The following AGTPBP1 variants were observed in gnomAD, a reference collection of about 807,000 sequenced individuals.
The protein encoded by AGTPBP1 is ATP/GTP binding carboxypeptidase 1.
Under a neutral mutation model 143.9 loss-of-function variants are expected in AGTPBP1, and 70 were observed. The ratio of observed to expected loss-of-function variants is 0.49; its 90% CI spans 0.40 to 0.59. AGTPBP1 has a LOEUF of 0.59. Among genes scored for constraint, AGTPBP1 ranks in the 20% least tolerant of loss-of-function variants. The pLI is 0.00. For synonymous variants in AGTPBP1, 463 were observed against 500.2 expected, an observed-to-expected ratio of 0.93 and a Z score of 0.99; for missense variants, 1,229 against 1,464.5, an observed-to-expected ratio of 0.84 and a Z score of 2.62.
chr9:85,790,574 A>G, the AGTPBP1 span, among the ~76,000 whole-genome samples: 1 of 152,274 alleles, frequency 6.6e-6, no homozygotes, highest in East Asian at 1.9e-4. Flanking sequence ...TCCCAGAAAA[A>G]GTTGATGTTA....
chr9:85,651,965 T>C (rs1017805916), intron 11 of AGTPBP1, among the ~76,000 whole-genome samples: 1 of 152,182 alleles, frequency 6.6e-6, no homozygotes, highest in African/African-American at 2.4e-5. Flanking sequence ...CTAAATCCCT[T>C]GGAATTTCCT....
At chr9:85,643,358 T>C (rs1832616262) in intron 12 of AGTPBP1, among the ~76,000 whole-genome samples, 1 of 152,154 alleles carries the variant, frequency 6.6e-6, no homozygotes, top group Non-Finnish European at 1.5e-5. Context: ...AAGAACACTA[T>C]GAAGTTACCC....
chr9:85,692,569 C>G, intron 3 of AGTPBP1, 120 bp downstream of exon 3: 3 of 1,268,224 alleles, frequency 2.4e-6, no homozygotes, highest in Non-Finnish European at 3.2e-6. Context: ...CCACCACACC[C>G]GGCCTGAAAG....
intron 25 of AGTPBP1, among the ~76,000 whole-genome samples, chr9:85,555,804 T>G (rs1330223628): frequency 6.6e-6 from 1 of 152,202 alleles, no homozygotes; most frequent in South Asian, 2.1e-4. Context: ...AATAATTTGT[T>G]GTAAGCAGAC....
chr9:85,752,688 G>A, the AGTPBP1 span, among the ~76,000 whole-genome samples: 3 of 152,040 alleles, frequency 2.0e-5, no homozygotes, highest in African/African-American at 7.2e-5. Flanking sequence ...TGTACCTCAC[G>A]AATATGTACA....
rs1263958445 is a variant in AGTPBP1 at position 85,642,536 on chromosome 9, G to T, written c.1302+291C>A. On this transcript the variant is annotated intron_variant, in intron 13 of 25. Transcript: ENST00000357081. ...TTTAGTAGTGACGGGGTTTCACTCTGTTGGCCAGGATGATCTTGATCTCCT... is the reference window on the plus strand; with the variant it reads ...TTTAGTAGTGACGGGGTTTCACTCTTTTGGCCAGGATGATCTTGATCTCCT... 2.0e-5 allele frequency among the ~76,000 whole-genome samples: 3 copies of T among 151,316 alleles called. No individual in the cohort carries two copies. In the East Asian group the frequency reaches 5.8e-4, roughly 29 times the overall value.
chr9:85,802,198 C>G, the AGTPBP1 span, among the ~76,000 whole-genome samples: 2 of 152,168 alleles, frequency 1.3e-5, no homozygotes, highest in Non-Finnish European at 2.9e-5. Flanking sequence ...TAAACTTCAA[C>G]AATTCTTCAA....
intron 2 of AGTPBP1, among the ~76,000 whole-genome samples, chr9:85,704,279 A>C (rs1045945484): frequency 6.6e-6 from 1 of 152,256 alleles, no homozygotes; most frequent in South Asian, 2.1e-4. Flanking sequence ...GAGGAGAGAG[A>C]GCTGCACAGA....
At chr9:85,711,882 CA>C (rs895549760) in intron 2 of AGTPBP1, among the ~76,000 whole-genome samples, 5 of 151,676 alleles carry the variant, frequency 3.3e-5, no homozygotes, top group South Asian at 2.1e-4. Context: ...GGCTGTGTTC[CA>C]AAAAAACACT....
upstream of AGTPBP1, chr9:85,742,138 C>A: frequency 5.1e-6 from 4 of 791,134 alleles, no homozygotes; most frequent in South Asian, 2.5e-4. Flanking sequence ...CGCCTCTCTG[C>A]GCGCCTGACG....
At chr9:85,696,644 G>A (rs1163257766) in intron 2 of AGTPBP1, among the ~76,000 whole-genome samples, 1 of 151,606 alleles carries the variant, frequency 6.6e-6, no homozygotes, top group African/African-American at 2.4e-5. Flanking sequence ...TCCAAACTGG[G>A]TGACAGAGCA....
In AGTPBP1 at chr9:85,588,347, T is replaced by C. The variant is rs1195055556; in HGVS notation, c.2854A>G (p.Ile952Val). 2 of 1,610,476 alleles carry C rather than the reference T, an allele frequency of 1.2e-6. No individual in the cohort carries two copies. Among genetic ancestry groups the C allele is most frequent in the Non-Finnish European group, 1.7e-6 (2 of 1,178,886 alleles). Residue 952 changes from isoleucine (I) to valine (V), a missense_variant, in exon 21 of 26, where the codon ATT becomes GTT. By Grantham distance (29) the Ile-to-Val change is conservative. Coordinates refer to ENST00000357081, the MANE Select transcript of AGTPBP1 (RefSeq NM_001330701.2). ...TTTAACATAGGGACAATTTTAAAAA[T>C]ATAAGATTCTCGTAAGCTCTGAGCA... ...PTAQSLRESY[I>V]FKIVPMLNPD...
intron 23 of AGTPBP1, among the ~76,000 whole-genome samples, chr9:85,584,770 T>C (rs1420657112): frequency 6.6e-6 from 1 of 152,204 alleles, no homozygotes; most frequent in East Asian, 1.9e-4. Context: ...TGCAACAAAC[T>C]TCATAAAGTA....
At chr9:85,551,252 A>G (rs1826024607) in intron 25 of AGTPBP1, among the ~76,000 whole-genome samples, 1 of 152,184 alleles carries the variant, frequency 6.6e-6, no homozygotes, top group African/African-American at 2.4e-5. Context: ...GCTATAAAGG[A>G]ATACCTTTAT....
intron 8 of AGTPBP1, among the ~76,000 whole-genome samples, chr9:85,664,043 C>T (rs1368736775): frequency 6.6e-6 from 1 of 152,042 alleles, no homozygotes; most frequent in Non-Finnish European, 1.5e-5. Context: ...ATGGAAGAAG[C>T]CAGATCCACC....
the AGTPBP1 span, among the ~76,000 whole-genome samples, chr9:85,747,709 T>G: frequency 6.6e-6 from 1 of 152,146 alleles, no homozygotes; most frequent in South Asian, 2.1e-4. Flanking sequence ...ATTGCAGCTA[T>G]GGAAAAGTAT....
At chr9:85,606,783 G>A (rs1045360037) in intron 17 of AGTPBP1, among the ~76,000 whole-genome samples, 9 of 152,156 alleles carry the variant, frequency 5.9e-5, no homozygotes, top group Non-Finnish European at 1.0e-4. Context: ...TTTATGTCAA[G>A]TGAAATAAAC....
At chr9:85,661,057 TAAG>T in intron 8 of AGTPBP1, 84 bp from the exon 9 acceptor site, 1 of 1,179,072 alleles carries the variant, frequency 8.5e-7, no homozygotes, top group Middle Eastern at 2.0e-4. Context: ...TCTTTTTCAA[TAAG>T]TCATTATTCT....
At chr9:85,583,873 CAAAT>C (rs1306667119) in intron 23 of AGTPBP1, among the ~76,000 whole-genome samples, 1 of 152,064 alleles carries the variant, frequency 6.6e-6, no homozygotes, top group Non-Finnish European at 1.5e-5. Flanking sequence ...ACCCATTAAT[CAAAT>C]AACATAGAAA....
Sources: gnomAD v4.1 joint callset for allele counts (sites outside exome capture counted in the v4.1 genomes callset) on GRCh38, gnomAD v4.1.1 for gene constraint, MANE v1.5 for transcripts, NCBI Gene and HGNC (gene_info 2026-07-23, HGNC 2026-07-21) for gene names.